The following TCF4 variants were observed in gnomAD, a reference collection of about 807,000 sequenced individuals.
TCF4 encodes the protein transcription factor 4.
In TCF4, 3 loss-of-function variants were observed where a neutral mutation model predicts 82.1. The ratio of observed to expected loss-of-function variants is 0.04; its 90% CI spans 0.02 to 0.09. TCF4 has a LOEUF of 0.09. Ranked by LOEUF, TCF4 falls within the 10% of genes least tolerant of loss-of-function variation. TCF4 has a pLI of 1.00. For missense variants in TCF4, 518 were observed against 852.7 expected, an observed-to-expected ratio of 0.61 and a Z score of 4.89; for synonymous variants, 276 against 309.6, an observed-to-expected ratio of 0.89 and a Z score of 1.14.
intron 13 of TCF4, among the ~76,000 whole-genome samples, chr18:55,258,262 G>T (rs148557723): frequency 6.6e-6 from 1 of 151,960 alleles, no homozygotes; most frequent in South Asian, 2.1e-4. Context: ...CAGAGCCGTC[G>T]GTGTGAAAAT....
At chr18:55,607,506 C>T (rs1299645131) in intron 2 of TCF4, among the ~76,000 whole-genome samples, 1 of 152,152 alleles carries the variant, frequency 6.6e-6, no homozygotes, top group Non-Finnish European at 1.5e-5. Context: ...CCTAAGGGAA[C>T]TGCCAAACAA....
intron 3 of TCF4, among the ~76,000 whole-genome samples, chr18:55,467,301 C>T (rs1055702085): frequency 9.2e-5 from 14 of 152,090 alleles, no homozygotes; most frequent in Admixed American, 8.5e-4. Flanking sequence ...CAGGCCTGCC[C>T]CTTAGTTAGC....
intron 8 of TCF4, among the ~76,000 whole-genome samples, chr18:55,308,685 T>A (rs1053570250): frequency 6.6e-6 from 1 of 152,240 alleles, no homozygotes; most frequent in Non-Finnish European, 1.5e-5. Context: ...GGCAAAGGGC[T>A]GTATCCTTTG....
chr18:55,277,986 G>C (rs1022105876), intron 9 of TCF4, among the ~76,000 whole-genome samples: 1 of 152,080 alleles, frequency 6.6e-6, no homozygotes, highest in African/African-American at 2.4e-5. Flanking sequence ...GTCCCTTTGA[G>C]TTACACCTAG....
intron 3 of TCF4, among the ~76,000 whole-genome samples, chr18:55,526,575 G>C (rs2096986961): frequency 6.6e-6 from 1 of 152,096 alleles, no homozygotes; most frequent in South Asian, 2.1e-4. Flanking sequence ...GATTAGTTTT[G>C]GGAAATTCTT....
intron 3 of TCF4, among the ~76,000 whole-genome samples, chr18:55,490,430 C>T (rs928733329): frequency 2.6e-5 from 4 of 152,044 alleles, no homozygotes; most frequent in African/African-American, 7.2e-5. Context: ...TCAGTTTGCT[C>T]ATCTGTGAAA....
intron 8 of TCF4, among the ~76,000 whole-genome samples, chr18:55,316,786 C>T (rs556577245): frequency 7.2e-5 from 11 of 152,182 alleles, no homozygotes; most frequent in Admixed American, 3.3e-4. Flanking sequence ...CTCCCCAACC[C>T]TCTTTCTCCT....
At chr18:55,589,530 T>C, upstream of TCF4, 2 of 1,045,288 alleles carry the variant, frequency 1.9e-6, no homozygotes, top group Non-Finnish European at 2.3e-6. Context: ...AAAAAAGAAA[T>C]CATTAAAAAA....
chr18:55,628,720 T>G (rs1276485123), intron 2 of TCF4, among the ~76,000 whole-genome samples: 1 of 152,200 alleles, frequency 6.6e-6, no homozygotes, highest in Non-Finnish European at 1.5e-5. Context: ...TTCACACCCT[T>G]GAAGGAAGCT....
At chr18:55,305,568 T>C (rs1421843553) in intron 8 of TCF4, among the ~76,000 whole-genome samples, 1 of 152,220 alleles carries the variant, frequency 6.6e-6, no homozygotes, top group East Asian at 1.9e-4. Context: ...GATGTATGTT[T>C]TTGGTTGTTA....
At chr18:55,586,227 G>GCAGCATCAT in intron 2 of TCF4, 2 of 989,518 alleles carry the variant, frequency 2.0e-6, no homozygotes, top group Non-Finnish European at 2.9e-6. Flanking sequence ...AGCAGCAGCA[G>GCAGCATCAT]CATGAAAGAG....
intron 8 of TCF4, among the ~76,000 whole-genome samples, chr18:55,280,751 T>TTCACCAATAAAAAG (rs879480797): frequency 4.8e-4 from 73 of 152,140 alleles, no homozygotes; most frequent in Non-Finnish European, 9.3e-4. Context: ...AAAAGGCAAG[T>TTCACCAATAAAAAG]GCAGGGTTAC....
chr18:55,522,724 C>G (rs2146529636), intron 3 of TCF4, among the ~76,000 whole-genome samples: 1 of 152,132 alleles, frequency 6.6e-6, no homozygotes, highest in African/African-American at 2.4e-5. Context: ...ATGAAAATAT[C>G]TACCATAAAC....
intron 3 of TCF4, among the ~76,000 whole-genome samples, chr18:55,468,680 G>T (rs1345185059): frequency 6.6e-6 from 1 of 152,178 alleles, no homozygotes. Flanking sequence ...ACTGTACAAT[G>T]GTGGGCTCAT....
At chr18:55,620,462 C>G (rs1252621945) in intron 2 of TCF4, among the ~76,000 whole-genome samples, 3 of 152,062 alleles carry the variant, frequency 2.0e-5, no homozygotes, top group African/African-American at 7.2e-5. Flanking sequence ...GAGTAATGTT[C>G]CTTCTAATCC....
chr18:55,294,878 T>G (rs994067704), intron 8 of TCF4, among the ~76,000 whole-genome samples: 4 of 152,200 alleles, frequency 2.6e-5, no homozygotes, highest in African/African-American at 9.7e-5. Context: ...CCTTGGCCTG[T>G]GTCCGGATTT....
At chr18:55,464,199 A>C (rs574190250) in intron 3 of TCF4, 62 bp from the exon 4 acceptor site, 3 of 1,384,754 alleles carry the variant, frequency 2.2e-6, no homozygotes. Context: ...TTGTATATGC[A>C]CTTTCAAATT....
At chr18:55,477,085 T>G (rs996440921) in intron 3 of TCF4, among the ~76,000 whole-genome samples, 7 of 152,234 alleles carry the variant, frequency 4.6e-5, no homozygotes, top group Non-Finnish European at 7.3e-5. Context: ...TCTATGAAAT[T>G]GGTCAGAGGA....
chr18:55,524,552 A>G (rs1182050517), intron 3 of TCF4, among the ~76,000 whole-genome samples: 1 of 152,180 alleles, frequency 6.6e-6, no homozygotes, highest in Non-Finnish European at 1.5e-5. Context: ...TAAGTAATCA[A>G]TATTGATTAA....
Sources: gnomAD v4.1 joint callset for allele counts (sites outside exome capture counted in the v4.1 genomes callset) on GRCh38, gnomAD v4.1.1 for gene constraint, MANE v1.5 for transcripts, NCBI Gene and HGNC (gene_info 2026-07-23, HGNC 2026-07-21) for gene names.